MARCHF1: variants seen among roughly 807,000 people sequenced by gnomAD.
The protein encoded by MARCHF1 is E3 ubiquitin-protein ligase MARCHF1.
MARCHF1 carries 40 observed loss-of-function variants against 54.2 expected under a neutral mutation model. That is an observed-to-expected ratio of 0.74 (90% CI 0.57 to 0.96). MARCHF1 has a LOEUF of 0.96. Ranked by LOEUF, MARCHF1 falls within the 40% of genes least tolerant of loss-of-function variation. The pLI is 0.00. For missense variants in MARCHF1, 586 were observed against 656.5 expected (o/e 0.89, Z 1.17); for synonymous variants, 236 against 236.3 (o/e 1.00, Z 0.01).
At chr4:163,632,518 C>T (rs557091986) in intron 5 of MARCHF1, among the ~76,000 whole-genome samples, 104 of 152,272 alleles carry the variant, frequency 6.8e-4, no homozygotes, top group South Asian at 2.1e-3. Flanking sequence ...CACTCCCACC[C>T]GAATACTGCG....
chr4:163,938,973 T>G (rs546335691), intron 3 of MARCHF1, among the ~76,000 whole-genome samples: 15 of 152,228 alleles, frequency 9.9e-5, no homozygotes, highest in Admixed American at 5.2e-4. Flanking sequence ...AGATGAGATT[T>G]TGGGTGGGAC....
At chr4:164,086,280 C>T (rs1346031552) in intron 2 of MARCHF1, among the ~76,000 whole-genome samples, 1 of 151,766 alleles carries the variant, frequency 6.6e-6, no homozygotes, top group Non-Finnish European at 1.5e-5. Flanking sequence ...TAAAAATATA[C>T]ATTGCCATGG....
At chr4:164,375,682 C>G (rs528987988) in intron 1 of MARCHF1, among the ~76,000 whole-genome samples, 91 of 152,306 alleles carry the variant, frequency 6.0e-4, no homozygotes, top group African/African-American at 2.2e-3. Flanking sequence ...TGCACATACA[C>G]ATGCACACAC....
At chr4:163,811,400 T>C (rs1332070189) in intron 4 of MARCHF1, among the ~76,000 whole-genome samples, 3 of 152,072 alleles carry the variant, frequency 2.0e-5, no homozygotes, top group Non-Finnish European at 4.4e-5. Context: ...GTGGACACTG[T>C]AGTGTGCACC....
intron 3 of MARCHF1, among the ~76,000 whole-genome samples, chr4:163,928,744 G>A (rs1268290638): frequency 6.6e-6 from 1 of 151,898 alleles, no homozygotes; most frequent in Non-Finnish European, 1.5e-5. Flanking sequence ...TAACAATCAA[G>A]GAAAATTGGA....
intron 1 of MARCHF1, among the ~76,000 whole-genome samples, chr4:164,264,932 C>CA (rs1421017691): frequency 3.1e-5 from 4 of 127,408 alleles, no homozygotes; most frequent in Admixed American, 7.7e-5. Context: ...AAAAAAAAAA[C>CA]AAAAAAAACA....
chr4:164,357,960 G>A (rs529417015), intron 1 of MARCHF1, among the ~76,000 whole-genome samples: 16 of 152,208 alleles, frequency 1.1e-4, no homozygotes, highest in South Asian at 2.1e-4. Context: ...GTAGATTTTC[G>A]GTGATCAGGT....
intron 1 of MARCHF1, among the ~76,000 whole-genome samples, chr4:164,319,601 G>A (rs1735085747): frequency 6.6e-6 from 1 of 152,148 alleles, no homozygotes; most frequent in Non-Finnish European, 1.5e-5. Flanking sequence ...AGGAAAGAAT[G>A]TGAAAAATGT....
intron 9 of MARCHF1, among the ~76,000 whole-genome samples, chr4:163,541,336 G>C (rs1309443173): frequency 1.3e-5 from 2 of 152,208 alleles, no homozygotes; most frequent in African/African-American, 2.4e-5. Context: ...TACACCTACA[G>C]TCTCTTTAAT....
At position 163,859,168 on chromosome 4, in the gene MARCHF1, T is replaced by C. The variant is rs143331657; in HGVS notation, c.-38-4999A>G. ...CTTTTAGCTTAGACTATCTGAAATATATATTTAGTGTACAGATTTCTTTTA... is the reference window on the plus strand; with the variant it reads ...CTTTTAGCTTAGACTATCTGAAATACATATTTAGTGTACAGATTTCTTTTA... On this transcript the variant is annotated intron_variant, in intron 3 of 9. Coordinates refer to ENST00000514618, the MANE Select transcript of MARCHF1 (RefSeq NM_001394959.1). Among the ~76,000 whole-genome samples the C allele has an allele frequency of 3.3e-5, 5 of 152,284 alleles. No individual in the cohort carries two copies. The East Asian group carries it at 7.7e-4, about 24-fold the overall frequency.
intron 4 of MARCHF1, among the ~76,000 whole-genome samples, chr4:163,822,538 T>C (rs1748722740): frequency 6.6e-6 from 1 of 151,920 alleles, no homozygotes; most frequent in Non-Finnish European, 1.5e-5. Flanking sequence ...ACTATTTTAA[T>C]GTTTGATCAT....
chr4:164,322,549 T>C (rs958708387), intron 1 of MARCHF1, among the ~76,000 whole-genome samples: 5 of 152,032 alleles, frequency 3.3e-5, no homozygotes, highest in African/African-American at 1.2e-4. Context: ...GACTTAATTG[T>C]ACATTTTTAA....
intron 3 of MARCHF1, 107 bp from the exon 4 acceptor site, chr4:163,854,276 ACTTTTTT>A: frequency 1.2e-6 from 1 of 855,012 alleles, no homozygotes; most frequent in Non-Finnish European, 1.7e-6. Context: ...ACTAATTGAG[ACTTTTTT>A]AAAAAAACCA....
intron 1 of MARCHF1, among the ~76,000 whole-genome samples, chr4:164,177,824 CACACACACAG>C (rs1181942546): frequency 2.0e-5 from 3 of 151,018 alleles, no homozygotes; most frequent in Non-Finnish European, 3.0e-5. Context: ...CACACACACA[CACACACACAG>C]AGAGACAAAG....
chr4:164,011,450 G>A (rs1388847673), intron 2 of MARCHF1, among the ~76,000 whole-genome samples: 1 of 152,034 alleles, frequency 6.6e-6, no homozygotes, highest in Non-Finnish European at 1.5e-5. Context: ...TTAAAAACTG[G>A]GCAAAAGATC....
intron 3 of MARCHF1, among the ~76,000 whole-genome samples, chr4:163,894,540 G>C (rs1022535339): frequency 4.4e-5 from 5 of 114,822 alleles, no homozygotes; most frequent in African/African-American, 7.4e-5. Context: ...TGAAAGATAA[G>C]AAATCTACTC....
chr4:164,062,087 A>G (rs1332934332), intron 2 of MARCHF1, among the ~76,000 whole-genome samples: 1 of 152,204 alleles, frequency 6.6e-6, no homozygotes, highest in African/African-American at 2.4e-5. Flanking sequence ...AACATTCTAA[A>G]TCCTTTATTG....
intron 4 of MARCHF1, among the ~76,000 whole-genome samples, chr4:163,731,225 A>G (rs1244868146): frequency 6.6e-6 from 1 of 152,232 alleles, no homozygotes; most frequent in Non-Finnish European, 1.5e-5. Flanking sequence ...CAGGCCACGG[A>G]AAAACAGAAA....
At chr4:164,254,603 T>C (rs1372945875) in intron 1 of MARCHF1, among the ~76,000 whole-genome samples, 2 of 152,042 alleles carry the variant, frequency 1.3e-5, no homozygotes, top group Non-Finnish European at 2.9e-5. Context: ...TATTAAGTTG[T>C]ATGATTACAA....
Sources: gnomAD v4.1 joint callset for allele counts (sites outside exome capture counted in the v4.1 genomes callset) on GRCh38, gnomAD v4.1.1 for gene constraint, MANE v1.5 for transcripts, NCBI Gene and HGNC (gene_info 2026-07-23, HGNC 2026-07-21) for gene names.